Variants in RNF213 observed in about 807,000 individuals in gnomAD.
RNF213 encodes the protein ring finger protein 213.
A neutral mutation model predicts 514.4 loss-of-function variants in RNF213; 341 were observed. The observed-to-expected ratio is 0.66, with a 90% CI of 0.61 to 0.73. The LOEUF (loss-of-function observed/expected upper bound fraction) is 0.73. Ranked by LOEUF, RNF213 falls within the 30% of genes least tolerant of loss-of-function variation. The probability of loss-of-function intolerance (pLI) is 0.00; values close to 1 mark genes in which losing one functional copy is unlikely to be tolerated. For missense variants in RNF213, 5,767 were observed against 6,615.6 expected, an observed-to-expected ratio of 0.87 and a Z score of 4.45; for synonymous variants, 2,655 against 2,658.2, an observed-to-expected ratio of 1.00 and a Z score of 0.04.
chr17:80,383,575 G>A (rs987264113), intron 58 of RNF213, 102 bp from the exon 59 acceptor site: 9 of 1,208,630 alleles, frequency 7.4e-6, no homozygotes, highest in South Asian at 2.4e-5. Context: ...GGGGACAAAC[G>A]CCCTAATATG....
At chr17:80,337,482 G>A (rs1248397415) in intron 23 of RNF213, 104 bp from the exon 24 acceptor site, 20 of 1,433,424 alleles carry the variant, frequency 1.4e-5, no homozygotes, top group Non-Finnish European at 1.8e-5. Flanking sequence ...AGCGTGGGGA[G>A]AAGGCTCTGC....
In RNF213 at chr17:80,263,638, C is replaced by G; in HGVS notation, c.-44C>G. On this transcript the variant is annotated 5_prime_UTR_variant, in exon 2 of 68. Transcript: ENST00000582970. The surrounding 1 kb of genome is among the most constrained non-coding windows in gnomAD (Gnocchi z 4.9). Reference sequence around the variant, plus strand: ...AGTATATAGCAGGCTGCCAGCGACTCCTGCTCTTGCTTCTGGATCTGCAGG... The same window carrying G: ...AGTATATAGCAGGCTGCCAGCGACTGCTGCTCTTGCTTCTGGATCTGCAGG... 6.5e-7 allele frequency: 1 copy of G among 1,541,036 alleles called. No homozygotes were observed. The highest frequency in any genetic ancestry group is 9.0e-7 in the Non-Finnish European group (1 of 1,113,432).
intron 3 of RNF213, among the ~76,000 whole-genome samples, chr17:80,280,283 A>G (rs111311825): frequency 1.1e-3 from 173 of 152,296 alleles, no homozygotes; most frequent in African/African-American, 3.8e-3. Context: ...CGAGGAGAAG[A>G]AGGCTCGGGC....
intron 3 of RNF213, among the ~76,000 whole-genome samples, chr17:80,282,361 C>G (rs2044332322): frequency 6.6e-6 from 1 of 152,078 alleles, no homozygotes; most frequent in Admixed American, 6.6e-5. Flanking sequence ...CGACTGTATA[C>G]CAGCTTGATT....
chr17:80,299,414 A>T (rs1268948597), intron 11 of RNF213, among the ~76,000 whole-genome samples: 5 of 152,250 alleles, frequency 3.3e-5, no homozygotes, highest in African/African-American at 1.2e-4. Context: ...ACTCTAAACC[A>T]TTTATACCTT....
chr17:80,337,234 T>C (rs556147821), intron 23 of RNF213, among the ~76,000 whole-genome samples: 18 of 152,334 alleles, frequency 1.2e-4, no homozygotes, highest in Admixed American at 2.6e-4. Flanking sequence ...GTTCTCTGCA[T>C]TGGGGACCTG....
Position 80,345,310 on chromosome 17 carries a change from C to T in RNF213, c.6975C>T (p.Asn2325=), listed in dbSNP as rs1461360845. Residue 2325 remains asparagine (N), a synonymous_variant, in exon 29 of 68, where the codon AAC becomes AAT. Transcript: ENST00000582970. The surrounding 1 kb of genome is among the most constrained non-coding windows in gnomAD (Gnocchi z 6.0). The part of the protein sequence containing the change: ...MTFIGFHLQP[N]INGSVDAISH... ...TCATCGGCTTCCATCTGCAGCCCAACATCAACGGCAGTGTCGATGCCATCA... is the reference window on the plus strand; with the variant it reads ...TCATCGGCTTCCATCTGCAGCCCAATATCAACGGCAGTGTCGATGCCATCA... The T allele has an allele frequency of 3.1e-6, 5 of 1,614,156 alleles. No homozygotes were observed. Among genetic ancestry groups the T allele is most frequent in the South Asian group, 2.2e-5 (2 of 91,086 alleles).
At chr17:80,376,197 T>C (rs537987485) in intron 51 of RNF213, 104 bp from the exon 52 acceptor site, 2 of 1,384,786 alleles carry the variant, frequency 1.4e-6, no homozygotes, top group East Asian at 4.6e-5. Flanking sequence ...GATTTCTCCA[T>C]ATTTACCTTG....
Position 80,353,240 on chromosome 17 carries a change from G to C in RNF213, c.10423+181G>C. 1 of 894,590 alleles carries C rather than the reference G, an allele frequency of 1.1e-6. No homozygotes were observed. Among genetic ancestry groups the C allele is most frequent in the South Asian group, 1.6e-5 (1 of 64,430 alleles). The allele number at this position is 894,590 out of a possible 1,614,324, so 55.4% of individuals were successfully genotyped here. A position where few individuals can be genotyped will look rare whatever the true frequency, so the allele number is the denominator to read the frequency against. On this transcript the variant is annotated intron_variant, in intron 33 of 67. Transcript: ENST00000582970. The surrounding 1 kb of genome is among the most constrained non-coding windows in gnomAD (Gnocchi z 5.0). ...ATCATAGAGCACCAGGGCCGAGCAG[G>C]TGCGCTTACCACAGGCTGAGGTAGA...
chr17:80,319,622 C>T, intron 17 of RNF213: 13 of 1,527,530 alleles, frequency 8.5e-6, no homozygotes, highest in South Asian at 1.2e-5. Flanking sequence ...CCTGTCATCA[C>T]TGTGGCTGCT....
chr17:80,384,897 A>G (rs2080171325), intron 59 of RNF213, 142 bp from the exon 60 acceptor site: 7 of 890,206 alleles, frequency 7.9e-6, no homozygotes, highest in East Asian at 2.6e-5. Flanking sequence ...CCCGTTTTCA[A>G]GCTCCACGCT....
At position 80,273,693 on chromosome 17, in the gene RNF213, C is replaced by T. The variant is rs1178312662; in HGVS notation, c.261+289C>T. 9.4e-5 allele frequency among the ~76,000 whole-genome samples: 14 copies of T among 149,102 alleles called. 1 individual carries two copies. The highest frequency in any genetic ancestry group is 3.0e-5 in the Non-Finnish European group (2 of 67,596). ...GGAGTGCAGTGGTGCGATCTCGGCT[C>T]GCTGCAGCCTCCACCTCCTGGTTTC... On this transcript the variant is annotated intron_variant, in intron 3 of 67. Transcript: ENST00000582970.
chr17:80,340,010 C>G lies in RNF213; in HGVS notation c.5643C>G (p.Cys1881Trp), dbSNP rs865830903. 6.5e-7 allele frequency: 1 copy of G among 1,540,598 alleles called. No homozygotes were observed. Among genetic ancestry groups the G allele is most frequent in the African/African-American group, 1.4e-5 (1 of 73,108 alleles). ...AGGTGGCACTGTTGCTGCGCCGCTG[C>G]CTGACCCTGGGCTCCCTGGGGCACA... is the stretch of plus-strand genomic sequence containing the variant. ...FEEVALLLRRCLTLGSLGHKV... is the reference protein window; with the variant it reads ...FEEVALLLRRWLTLGSLGHKV... Residue 1881 changes from cysteine to tryptophan, a missense_variant, in exon 26 of 68, where the codon TGC (cysteine) becomes TGG (tryptophan). Cys to Trp is a radical substitution (Grantham distance 215, BLOSUM62 -2). Around this residue, in one of 13 missense-constraint regions of RNF213, gnomAD observed 1,377 missense variants for 1,635.2 expected, o/e 0.84. Transcript: ENST00000582970.
chr17:80,382,393 TAATAAC>T (rs1437531785), intron 57 of RNF213: 2 of 157,440 alleles, frequency 1.3e-5, no homozygotes, highest in East Asian at 1.9e-4. Context: ...TAATTTAAAA[TAATAAC>T]AATAATAGCA....
intron 39 of RNF213, among the ~76,000 whole-genome samples, chr17:80,362,449 A>G (rs1329081918): frequency 1.3e-5 from 2 of 152,262 alleles, no homozygotes; most frequent in Non-Finnish European, 2.9e-5. Flanking sequence ...ACATCCAGGA[A>G]ACATTTGAAA....
intron 57 of RNF213, 70 bp from the exon 58 acceptor site, chr17:80,382,909 G>A: frequency 1.1e-6 from 1 of 891,946 alleles, no homozygotes; most frequent in Non-Finnish European, 1.9e-6. Flanking sequence ...ACTTATTTAG[G>A]GTTTATTATA....
Position 80,380,928 on chromosome 17 carries a change from C to T in RNF213, c.13738C>T (p.Leu4580Phe). The T allele has an allele frequency of 3.1e-6, 5 of 1,614,200 alleles. No individual in the cohort carries two copies. The highest frequency in any genetic ancestry group is 1.1e-5 in the South Asian group (1 of 91,082). ...CCGAGGGCTGCCCCCAGTGGTCTTC[C>T]TCCTTATCCGGCTACTCACTCACTT... ...CDRGLPPVVF[L>F]LIRLLTHLAL... Residue 4580 changes from leucine (L) to phenylalanine (F), a missense_variant, in exon 56 of 68, where the codon CTC becomes TTC. By Grantham distance (22) the Leu-to-Phe change is conservative. Transcript: ENST00000582970.
Position 80,339,831 on chromosome 17 carries a change from C to T in RNF213, c.5464C>T (p.Pro1822Ser). 6.5e-7 allele frequency: 1 copy of T among 1,535,774 alleles called. No homozygotes were observed. Among genetic ancestry groups the T allele is most frequent in the Non-Finnish European group, 8.7e-7 (1 of 1,145,852 alleles). The change falls in exon 26 of 68, where the codon CCG (proline) becomes TCG (serine). Residue 1822 changes from proline (P) to serine (S), a missense_variant. Physicochemically the swap from Pro to Ser is moderately conservative, Grantham distance 74. Transcript: ENST00000582970. ...MGGSPVERCLPRGLQVGQPNL... is the reference protein window; with the variant it reads ...MGGSPVERCLSRGLQVGQPNL... ...TGGGTCTCCCGTGGAGCGTTGTCTCCCGAGAGGTCTGCAGGTCGGCCAGCC... is the reference window on the plus strand; with the variant it reads ...TGGGTCTCCCGTGGAGCGTTGTCTCTCGAGAGGTCTGCAGGTCGGCCAGCC...
intron 14 of RNF213, among the ~76,000 whole-genome samples, chr17:80,309,742 G>T (rs1365320352): frequency 2.0e-5 from 3 of 148,680 alleles, no homozygotes; most frequent in East Asian, 3.9e-4. Flanking sequence ...CCATGGATCA[G>T]TTTTTTTTTT....
Sources: allele counts gnomAD v4.1 joint callset (sites outside exome capture counted in the v4.1 genomes callset), GRCh38; gene constraint gnomAD v4.1.1; regional missense constraint gnomAD v4.1.1; non-coding constraint Gnocchi (gnomAD v3.1); transcripts MANE v1.5; gene names NCBI Gene and HGNC (gene_info 2026-07-23, HGNC 2026-07-21).